TSTD2: variants seen among roughly 807,000 people sequenced by gnomAD.
The protein encoded by TSTD2 is thiosulfate sulfurtransferase like domain containing 2, also known as thiosulfate sulfurtransferase/rhodanese-like domain-containing protein 2.
Under a neutral mutation model 47.9 loss-of-function variants are expected in TSTD2, and 37 were observed. The ratio of observed to expected loss-of-function variants is 0.77; its 90% CI spans 0.59 to 1.02. The LOEUF is 1.02. TSTD2 is among the 50% of genes least tolerant of loss of function. The pLI, the probability that TSTD2 is intolerant of heterozygous loss-of-function variation, is 0.00. For missense variants in TSTD2, 586 were observed against 616.0 expected (o/e 0.95, Z 0.52); for synonymous variants, 201 against 215.9 (o/e 0.93, Z 0.61).
chr9:97,619,566 C>G (rs1389736789), intron 3 of TSTD2, among the ~76,000 whole-genome samples: 1 of 151,700 alleles, frequency 6.6e-6, no homozygotes, highest in Admixed American at 6.6e-5. Flanking sequence ...GTCTTGAACT[C>G]CTGGCCTAAT....
Position 97,602,382 on chromosome 9 carries a change from T to C in TSTD2, c.*87A>G. The C allele has an allele frequency of 1.4e-6, 2 of 1,435,498 alleles. No homozygotes were observed. Among genetic ancestry groups the C allele is most frequent in the Middle Eastern group, 2.3e-4 (1 of 4,378 alleles). The allele number at this position is 1,435,498 out of a possible 1,614,324, so 88.9% of individuals were successfully genotyped here. On this transcript the variant is annotated 3_prime_UTR_variant, in exon 10 of 10. Transcript: ENST00000341170. ...CCAGAACTGAAGTTCCCGATTTCTCTGTTTCTGCAGTCTTGCCATGCTTTC... is the reference window on the plus strand; with the variant it reads ...CCAGAACTGAAGTTCCCGATTTCTCCGTTTCTGCAGTCTTGCCATGCTTTC...
intron 3 of TSTD2, among the ~76,000 whole-genome samples, chr9:97,624,316 G>C (rs1324571108): frequency 6.6e-6 from 1 of 151,900 alleles, no homozygotes; most frequent in Admixed American, 6.6e-5. Context: ...CACTCAGGCA[G>C]CCTATGAAGA....
At chr9:97,625,053 G>A (rs1826697754) in intron 3 of TSTD2, among the ~76,000 whole-genome samples, 1 of 152,040 alleles carries the variant, frequency 6.6e-6, no homozygotes, top group African/African-American at 2.4e-5. Context: ...AAGTATACCT[G>A]TGTAATCCAC....
chr9:97,616,423 T>C (rs1452812006), intron 4 of TSTD2, among the ~76,000 whole-genome samples: 1 of 152,144 alleles, frequency 6.6e-6, no homozygotes, highest in Non-Finnish European at 1.5e-5. Flanking sequence ...TCATTATGGC[T>C]GTGTGGAGAA....
intron 4 of TSTD2, among the ~76,000 whole-genome samples, chr9:97,615,181 C>A (rs1362319136): frequency 6.6e-6 from 1 of 152,198 alleles, no homozygotes; most frequent in Non-Finnish European, 1.5e-5. Context: ...GACTTTGAAC[C>A]CCCAGGATTC....
At position 97,602,417 on chromosome 9, in the gene TSTD2, T is replaced by C; in HGVS notation, c.*52A>G. 6.6e-7 allele frequency: 1 copy of C among 1,522,064 alleles called. No individual in the cohort carries two copies. Among genetic ancestry groups the C allele is most frequent in the Non-Finnish European group, 8.8e-7 (1 of 1,133,286 alleles). 94.3% of individuals were successfully genotyped at this position (1,522,064 alleles called of 1,614,324 possible). A position where few individuals can be genotyped will look rare whatever the true frequency, so the allele number is the denominator to read the frequency against. On this transcript the variant is annotated 3_prime_UTR_variant, in exon 10 of 10. Coordinates refer to ENST00000341170, the MANE Select transcript of TSTD2 (RefSeq NM_139246.5). ...GTCTTGCCATGCTTTCTCTGTATAGTCACCCCAAACCTACTTTTACCGAGG... is the reference window on the plus strand; with the variant it reads ...GTCTTGCCATGCTTTCTCTGTATAGCCACCCCAAACCTACTTTTACCGAGG...
At position 97,600,370 on chromosome 9, in the gene TSTD2, C is replaced by A. The variant is rs1826228064; in HGVS notation, c.*2099G>T. On this transcript the variant is annotated 3_prime_UTR_variant, in exon 10 of 10. Transcript: ENST00000341170. ...AGTTTCAAAAACCAACCTTTCATTA[C>A]CAATCCCAGGCAACAAACATGTCCC... 12 of 986,000 alleles carry A rather than the reference C, an allele frequency of 1.2e-5. No individual in the cohort carries two copies. In the South Asian group the frequency reaches 4.7e-4, roughly 39 times the overall value. 61.1% of individuals were successfully genotyped at this position (986,000 alleles called of 1,614,324 possible).
chr9:97,601,333 C>G lies in TSTD2; in HGVS notation c.*1136G>C. 8.7e-7 allele frequency: 1 copy of G among 1,147,102 alleles called. No homozygotes were observed. Among genetic ancestry groups the G allele is most frequent in the South Asian group, 1.7e-5 (1 of 57,214 alleles). The allele number at this position is 1,147,102 out of a possible 1,614,324, so 71.1% of individuals were successfully genotyped here. On this transcript the variant is annotated 3_prime_UTR_variant, in exon 10 of 10. Transcript: ENST00000341170. ...ACTGGCCAGAAGACTGGGCAGCCACCATGGCAGTGCTGGATGACCTCAGTA... is the reference window on the plus strand; with the variant it reads ...ACTGGCCAGAAGACTGGGCAGCCACGATGGCAGTGCTGGATGACCTCAGTA...
intron 5 of TSTD2, 108 bp from the exon 6 acceptor site, chr9:97,610,559 A>T (rs1170907744): frequency 1.3e-6 from 1 of 779,570 alleles, no homozygotes; most frequent in Non-Finnish European, 1.9e-6. Flanking sequence ...CAATAGCTGA[A>T]GTCTTAAAAA....
chr9:97,627,352 C>T (rs1232116274), intron 2 of TSTD2, 46 bp downstream of exon 2: 9 of 1,532,226 alleles, frequency 5.9e-6, no homozygotes, highest in African/African-American at 2.8e-5. Flanking sequence ...AATGTATCTG[C>T]GTTAACCACA....
At chr9:97,611,520 C>T in intron 5 of TSTD2, 54 bp downstream of exon 5, 1 of 1,529,310 alleles carries the variant, frequency 6.5e-7, no homozygotes, top group South Asian at 1.2e-5. Context: ...CAATAACATG[C>T]ACAGAGGCAG....
intron 3 of TSTD2, among the ~76,000 whole-genome samples, chr9:97,624,656 C>G (rs1196390982): frequency 1.3e-5 from 2 of 151,864 alleles, no homozygotes; most frequent in African/African-American, 2.4e-5. Flanking sequence ...GGCATTAAAG[C>G]ACTCACAAAA....
intron 4 of TSTD2, among the ~76,000 whole-genome samples, chr9:97,612,970 G>C (rs4743119): frequency 0.11 from 16,815 of 152,240 alleles, 1,085 homozygotes; most frequent in South Asian, 0.21. Flanking sequence ...CATTTGCTAT[G>C]GAGCTACAAT....
chr9:97,627,176 T>TC, intron 2 of TSTD2: 1 of 758,308 alleles, frequency 1.3e-6, no homozygotes, highest in Non-Finnish European at 1.7e-6. Flanking sequence ...TGAAATCTAA[T>TC]CCATCTGTCT....
chr9:97,605,138 G>T (rs1826343704), intron 8 of TSTD2, among the ~76,000 whole-genome samples: 1 of 152,110 alleles, frequency 6.6e-6, no homozygotes, highest in Admixed American at 6.5e-5. Context: ...AACTATTTTT[G>T]CTGCCCCCTA....
Position 97,601,090 on chromosome 9 carries a change from C to T in TSTD2, c.*1379G>A. On this transcript the variant is annotated 3_prime_UTR_variant, in exon 10 of 10. Transcript: ENST00000341170. Reference sequence around the variant, plus strand: ...AGGGTAACTGGAGGCGGGGCCAGGGCCTCAGCGCTATGGAAGAGTGTCCAC... The same window carrying T: ...AGGGTAACTGGAGGCGGGGCCAGGGTCTCAGCGCTATGGAAGAGTGTCCAC... 2.3e-6 allele frequency: 3 copies of T among 1,304,282 alleles called. No homozygotes were observed. Among genetic ancestry groups the T allele is most frequent in the Non-Finnish European group, 3.0e-6 (3 of 988,942 alleles). 80.8% of individuals were successfully genotyped at this position (1,304,282 alleles called of 1,614,324 possible).
intron 1 of TSTD2, among the ~76,000 whole-genome samples, 163 bp from the exon 2 acceptor site, chr9:97,627,775 A>C (rs1183158805): frequency 1.2e-4 from 18 of 152,268 alleles, no homozygotes; most frequent in Non-Finnish European, 7.3e-5. Context: ...CTCGAAGTCA[A>C]GCACTATTCT....
Position 97,601,003 on chromosome 9 carries a change from A to C in TSTD2, c.*1466T>G. 6.2e-6 allele frequency: 8 copies of C among 1,282,058 alleles called. No homozygotes were observed. Among genetic ancestry groups the C allele is most frequent in the Non-Finnish European group, 7.2e-6 (7 of 975,640 alleles). 79.4% of individuals were successfully genotyped at this position (1,282,058 alleles called of 1,614,324 possible). On this transcript the variant is annotated 3_prime_UTR_variant, in exon 10 of 10. Coordinates refer to ENST00000341170, the MANE Select transcript of TSTD2 (RefSeq NM_139246.5). Reference sequence around the variant, plus strand: ...GGTCAAGAACTCCAGAGCACTGAGCAGAGAGGCTGGTGATGAAAAGGTGAA... The same window carrying C: ...GGTCAAGAACTCCAGAGCACTGAGCCGAGAGGCTGGTGATGAAAAGGTGAA...
chr9:97,627,975 A>G (rs959295321), intron 1 of TSTD2, among the ~76,000 whole-genome samples: 2 of 152,218 alleles, frequency 1.3e-5, no homozygotes, highest in African/African-American at 4.8e-5. Context: ...GAACACAGAG[A>G]GTAGGAAAAG....
Sources: gnomAD v4.1 joint callset for allele counts (sites outside exome capture counted in the v4.1 genomes callset) on GRCh38, gnomAD v4.1.1 for gene constraint, MANE v1.5 for transcripts, NCBI Gene and HGNC (gene_info 2026-07-23, HGNC 2026-07-21) for gene names.